Variants in DGKI observed in about 807,000 individuals in gnomAD.
DGKI encodes DAG kinase iota.
In DGKI, 55 loss-of-function variants were observed where a neutral mutation model predicts 147.5. The ratio of observed to expected loss-of-function variants is 0.37; its 90% CI spans 0.30 to 0.47. The LOEUF is 0.47. Ranked by LOEUF, DGKI falls within the 20% of genes least tolerant of loss-of-function variation. The pLI, the probability that DGKI is intolerant of heterozygous loss-of-function variation, is 1.00. For synonymous variants in DGKI, 469 were observed against 477.1 expected (o/e 0.98, Z 0.22); for missense variants, 1,007 against 1,323.8 (o/e 0.76, Z 3.71).
At chr7:137,460,708 T>A (rs879465175) in intron 27 of DGKI, among the ~76,000 whole-genome samples, 12 of 152,226 alleles carry the variant, frequency 7.9e-5, no homozygotes, top group Non-Finnish European at 1.6e-4. Context: ...TTGGAGCATT[T>A]CAGATTACAG....
intron 19 of DGKI, among the ~76,000 whole-genome samples, chr7:137,559,438 C>T (rs936612162): frequency 1.3e-5 from 2 of 152,014 alleles, no homozygotes; most frequent in African/African-American, 2.4e-5. Context: ...CTGTTTCTTT[C>T]CTTGACTATA....
intron 23 of DGKI, among the ~76,000 whole-genome samples, chr7:137,477,848 A>G (rs1360490105): frequency 1.3e-5 from 2 of 152,044 alleles, no homozygotes; most frequent in Non-Finnish European, 2.9e-5. Context: ...TTTTGTACAG[A>G]CGGGGTTTCA....
intron 1 of DGKI, chr7:137,722,018 C>T (rs1391775213): frequency 6.3e-7 from 1 of 1,584,604 alleles, no homozygotes; most frequent in African/African-American, 1.4e-5. Flanking sequence ...AAGCCAGATA[C>T]TAAAGAGAAG....
At chr7:137,487,541 T>A in intron 22 of DGKI, 69 bp downstream of exon 22, 2 of 1,355,010 alleles carry the variant, frequency 1.5e-6, no homozygotes, top group Non-Finnish European at 2.1e-6. Flanking sequence ...GAAGCAAATA[T>A]ATATGGCTGG....
intron 5 of DGKI, among the ~76,000 whole-genome samples, chr7:137,646,972 C>T (rs11975858): frequency 0.084 from 12,747 of 152,108 alleles, 1,718 homozygotes; most frequent in African/African-American, 0.28. Context: ...CCTGGAGGAA[C>T]AATGGTCTTT....
chr7:137,467,493 G>A (rs532291876), intron 24 of DGKI, among the ~76,000 whole-genome samples: 13 of 152,114 alleles, frequency 8.5e-5, no homozygotes, highest in South Asian at 4.1e-4. Flanking sequence ...TTCCCACTTC[G>A]GAAAATGGCT....
intron 5 of DGKI, among the ~76,000 whole-genome samples, chr7:137,654,067 C>G (rs962175894): frequency 2.6e-5 from 4 of 152,234 alleles, no homozygotes; most frequent in African/African-American, 9.6e-5. Flanking sequence ...TCTTGTCATA[C>G]CTCTGCTTCC....
Position 137,618,149 on chromosome 7 carries a change from A to AT in DGKI, c.993+1674dup, listed in dbSNP as rs1202086534. Among the ~76,000 whole-genome samples, 46 of 6,836 alleles carry AT rather than the reference A, an allele frequency of 6.7e-3. 2 individuals carry two copies. The highest frequency in any genetic ancestry group is 0.013 in the Non-Finnish European group (26 of 2,072). The allele number at this position is 6,836 out of a possible 152,430, so 4.5% of individuals were successfully genotyped here. Reference sequence around the variant, plus strand: ...ATACTATATATATATATATATATATATATTTTTTTTTTTTTACTCTATCAT... The same window carrying AT: ...ATACTATATATATATATATATATATATTATTTTTTTTTTTTTACTCTATCAT... On this transcript the variant is annotated intron_variant, in intron 8 of 32. Transcript: ENST00000614521.
intron 1 of DGKI, among the ~76,000 whole-genome samples, chr7:137,828,320 T>G (rs980412361): frequency 1.6e-4 from 24 of 152,264 alleles, no homozygotes; most frequent in African/African-American, 5.8e-4. Flanking sequence ...TTTGCACATA[T>G]AACAAATTAG....
chr7:137,725,827 CCTAA>C (rs1383908681), intron 1 of DGKI, among the ~76,000 whole-genome samples: 7 of 152,124 alleles, frequency 4.6e-5, no homozygotes, highest in Non-Finnish European at 1.0e-4. Context: ...TCTCTCCTAG[CCTAA>C]CTCTCTTCTT....
chr7:137,546,242 C>T (rs144741969), intron 20 of DGKI, among the ~76,000 whole-genome samples: 75 of 152,174 alleles, frequency 4.9e-4, no homozygotes, highest in African/African-American at 1.7e-3. Flanking sequence ...CGATGCTGGA[C>T]GGCAGGTCGG....
At chr7:137,617,011 C>G (rs1053678240) in intron 8 of DGKI, among the ~76,000 whole-genome samples, 4 of 148,890 alleles carry the variant, frequency 2.7e-5, no homozygotes, top group African/African-American at 9.9e-5. Context: ...TTATGATAGA[C>G]AGATTAGGAT....
intron 20 of DGKI, among the ~76,000 whole-genome samples, chr7:137,548,900 G>T (rs1000004617): frequency 2.6e-5 from 4 of 152,222 alleles, no homozygotes; most frequent in Non-Finnish European, 5.9e-5. Flanking sequence ...GGCGGAGGTT[G>T]CAGTGAGCCA....
At chr7:137,746,747 C>T (rs1585437732) in intron 1 of DGKI, among the ~76,000 whole-genome samples, 2 of 95,834 alleles carry the variant, frequency 2.1e-5, no homozygotes, top group South Asian at 6.5e-4. Context: ...TCCAAACCCA[C>T]CTGGTATCAG....
chr7:137,833,970 C>T (rs1331774741), intron 1 of DGKI, among the ~76,000 whole-genome samples: 1 of 152,214 alleles, frequency 6.6e-6, no homozygotes, highest in South Asian at 2.1e-4. Context: ...AATTCAAACC[C>T]TGGCTCCACC....
At position 137,609,144 on chromosome 7, in the gene DGKI, A is replaced by ACCACCACCACTACCAT. The variant is rs376022736; in HGVS notation, c.1069-81_1069-80insATGGTAGTGGTGGTGG. The ACCACCACCACTACCAT allele has an allele frequency of 5.1e-3, 5,260 of 1,040,728 alleles. 224 individuals carry two copies. In the African/African-American group the frequency reaches 0.074, roughly 15 times the overall value. The allele number at this position is 1,040,728 out of a possible 1,614,324, so 64.5% of individuals were successfully genotyped here. ...CCCAAGGCAAGGGAGGTGGAAAACC[A>ACCACCACCACTACCAT]CCCAATAATACATTTTGTTTCCCAG... On this transcript the variant is annotated intron_variant, in intron 9 of 32. Coordinates refer to ENST00000614521, the MANE Select transcript of DGKI (RefSeq NM_001321708.2).
chr7:137,671,415 AAG>A (rs1262274795), intron 3 of DGKI, among the ~76,000 whole-genome samples: 1 of 152,236 alleles, frequency 6.6e-6, no homozygotes, highest in Admixed American at 6.5e-5. Context: ...GTGAAGCCAT[AAG>A]AGTCTTAGTG....
intron 8 of DGKI, among the ~76,000 whole-genome samples, chr7:137,617,987 T>G (rs1820592285): frequency 6.7e-6 from 1 of 149,500 alleles, no homozygotes; most frequent in Admixed American, 6.7e-5. Flanking sequence ...TTTCTTAAGG[T>G]TTAGAAGAGT....
chr7:137,802,816 T>C (rs1220606674), intron 1 of DGKI, among the ~76,000 whole-genome samples: 3 of 152,218 alleles, frequency 2.0e-5, no homozygotes, highest in African/African-American at 7.2e-5. Context: ...CTGTTCCAAC[T>C]GCACATCTTA....
Sources: allele counts gnomAD v4.1 joint callset (sites outside exome capture counted in the v4.1 genomes callset), GRCh38; gene constraint gnomAD v4.1.1; transcripts MANE v1.5; gene names NCBI Gene and HGNC (gene_info 2026-07-23, HGNC 2026-07-21).